GAB2: variants seen among roughly 807,000 people sequenced by gnomAD.
The protein encoded by GAB2 is GRB2-associated-binding protein 2.
In GAB2, 26 loss-of-function variants were observed where a neutral mutation model predicts 65.5. The ratio of observed to expected loss-of-function variants is 0.40; its 90% CI spans 0.29 to 0.55. The LOEUF (loss-of-function observed/expected upper bound fraction) is 0.55. Ranked by LOEUF, GAB2 falls within the 20% of genes least tolerant of loss-of-function variation. GAB2 has a pLI of 0.53. For synonymous variants in GAB2, 321 were observed against 329.6 expected, an observed-to-expected ratio of 0.97 and a Z score of 0.28; for missense variants, 884 against 875.8, an observed-to-expected ratio of 1.01 and a Z score of -0.12.
rs575276308 is a variant in GAB2 at position 78,280,998 on chromosome 11, G to A, written c.76-97C>T. ...GAGACAGGTCTTGCCCTGTTGCCCAGGCTGGAGTGCAGTGGCACAATCAAA... is the reference window on the plus strand; with the variant it reads ...GAGACAGGTCTTGCCCTGTTGCCCAAGCTGGAGTGCAGTGGCACAATCAAA... On this transcript the variant is annotated intron_variant, in intron 1 of 9. Transcript: ENST00000361507. 5 of 991,064 alleles carry A rather than the reference G, an allele frequency of 5.0e-6. No individual in the cohort carries two copies. The East Asian group carries it at 1.2e-4, about 24-fold the overall frequency. The allele number at this position is 991,064 out of a possible 1,614,324, so 61.4% of individuals were successfully genotyped here.
intron 5 of GAB2, among the ~76,000 whole-genome samples, chr11:78,224,617 G>C (rs1276254544): frequency 6.6e-6 from 1 of 152,176 alleles, no homozygotes; most frequent in South Asian, 2.1e-4. Context: ...CAGTGGGCCT[G>C]AAGCCAGGCC....
At chr11:78,306,595 A>G (rs143901676) in intron 1 of GAB2, among the ~76,000 whole-genome samples, 288 of 152,348 alleles carry the variant, frequency 1.9e-3, no homozygotes, top group African/African-American at 6.7e-3. Flanking sequence ...TGAAAGGATT[A>G]TAAGTATAGA....
At chr11:78,235,251 C>T (rs1332362538) in intron 3 of GAB2, among the ~76,000 whole-genome samples, 2 of 151,906 alleles carry the variant, frequency 1.3e-5, no homozygotes, top group Non-Finnish European at 2.9e-5. Flanking sequence ...CTCCCGGGTT[C>T]ACGCCATTCT....
intron 1 of GAB2, among the ~76,000 whole-genome samples, chr11:78,361,864 T>TTAG (rs1856439446): frequency 6.6e-6 from 1 of 151,074 alleles, no homozygotes; most frequent in South Asian, 2.1e-4. Context: ...GCCAGAAACT[T>TTAG]ATCCTAGAGA....
At chr11:78,307,602 G>T (rs1343807941) in intron 1 of GAB2, among the ~76,000 whole-genome samples, 1 of 147,816 alleles carries the variant, frequency 6.8e-6, no homozygotes, top group South Asian at 2.2e-4. Flanking sequence ...TACAAAAAAT[G>T]TTAGAGAGAG....
chr11:78,308,892 T>A (rs1202844757), intron 1 of GAB2, among the ~76,000 whole-genome samples: 2 of 152,170 alleles, frequency 1.3e-5, no homozygotes, highest in African/African-American at 4.8e-5. Flanking sequence ...ATATAATTTT[T>A]GTGTGTGTAT....
At chr11:78,300,353 G>A (rs1462367911) in intron 1 of GAB2, among the ~76,000 whole-genome samples, 1 of 151,858 alleles carries the variant, frequency 6.6e-6, no homozygotes, top group Non-Finnish European at 1.5e-5. Flanking sequence ...CACCTATTGA[G>A]GGATAATAAA....
Position 78,266,305 on chromosome 11 carries a change from C to A in GAB2, c.376+14296G>T, listed in dbSNP as rs2512529. Reference sequence around the variant, plus strand: ...TACGGTGATCTAAAGAGGAATAAGACGCGTCCTTACCCTTGTCTCCCATGC... The same window carrying A: ...TACGGTGATCTAAAGAGGAATAAGAAGCGTCCTTACCCTTGTCTCCCATGC... On this transcript the variant is annotated intron_variant, in intron 2 of 9. Coordinates refer to ENST00000361507, the MANE Select transcript of GAB2 (RefSeq NM_080491.3). 2.0e-3 allele frequency among the ~76,000 whole-genome samples: 307 copies of A among 150,216 alleles called. 1 individual carries two copies. Among genetic ancestry groups the A allele is most frequent in the African/African-American group, 7.3e-3 (298 of 40,902 alleles).
rs150171338 is a variant in GAB2 at position 78,258,759 on chromosome 11, G to T, written c.377-8359C>A. ...ACTATAGGCATGCACCACCATGCCT[G>T]GCCTGAATATATAAACTTTAAATAG... On this transcript the variant is annotated intron_variant, in intron 2 of 9. Coordinates refer to ENST00000361507, the MANE Select transcript of GAB2 (RefSeq NM_080491.3). Among the ~76,000 whole-genome samples the T allele has an allele frequency of 9.1e-4, 138 of 151,752 alleles. 1 individual carries two copies. The highest frequency in any genetic ancestry group is 3.2e-3 in the African/African-American group (134 of 41,396).
At chr11:78,416,934 A>C (rs1489761605) in intron 1 of GAB2, among the ~76,000 whole-genome samples, 1 of 151,970 alleles carries the variant, frequency 6.6e-6, no homozygotes, top group African/African-American at 2.4e-5. Flanking sequence ...GAGAGCCTCG[A>C]TCTCTCCCGA....
intron 2 of GAB2, among the ~76,000 whole-genome samples, chr11:78,254,149 G>A (rs528971659): frequency 2.0e-5 from 3 of 152,050 alleles, no homozygotes; most frequent in African/African-American, 7.3e-5. Flanking sequence ...ATCAACATAG[G>A]GCAGCTATAA....
chr11:78,347,736 A>G (rs1856213139), intron 1 of GAB2, among the ~76,000 whole-genome samples: 1 of 152,212 alleles, frequency 6.6e-6, no homozygotes, highest in South Asian at 2.1e-4. Flanking sequence ...AAAAGCATAA[A>G]TCATAAAAGA....
chr11:78,266,508 T>C (rs1865880210), intron 2 of GAB2, among the ~76,000 whole-genome samples: 1 of 152,174 alleles, frequency 6.6e-6, no homozygotes, highest in Non-Finnish European at 1.5e-5. Context: ...TGATTAAAAC[T>C]TACATTTCTA....
chr11:78,325,779 T>C (rs938899056), intron 1 of GAB2, among the ~76,000 whole-genome samples: 3 of 152,218 alleles, frequency 2.0e-5, no homozygotes, highest in African/African-American at 7.2e-5. Context: ...GATATATAGA[T>C]AATACTTCAC....
Position 78,216,828 on chromosome 11 carries a change from G to C in GAB2, c.*2444C>G, listed in dbSNP as rs1864172843. On this transcript the variant is annotated 3_prime_UTR_variant, in exon 10 of 10. Transcript: ENST00000361507. Reference sequence around the variant, plus strand: ...GCTCTGTCGTATGGGGCCCCTTGTAGGGGGCCTTTAAGGCACACATTCAGG... The same window carrying C: ...GCTCTGTCGTATGGGGCCCCTTGTACGGGGCCTTTAAGGCACACATTCAGG... The C allele has an allele frequency of 6.6e-6, 1 of 152,166 alleles. No individual in the cohort carries two copies. The highest frequency in any genetic ancestry group is 1.5e-5 in the Non-Finnish European group (1 of 68,042). The allele number at this position is 152,166 out of a possible 1,614,324, so 9.4% of individuals were successfully genotyped here.
chr11:78,262,475 A>G (rs924997280), intron 2 of GAB2, among the ~76,000 whole-genome samples: 5 of 152,214 alleles, frequency 3.3e-5, no homozygotes, highest in Non-Finnish European at 7.3e-5. Flanking sequence ...CTGTGTTCCC[A>G]GACCTTCAGG....
chr11:78,315,138 G>A (rs111415455), intron 1 of GAB2, among the ~76,000 whole-genome samples: 3 of 152,146 alleles, frequency 2.0e-5, no homozygotes, highest in South Asian at 4.1e-4. Context: ...AAAAGGGCAG[G>A]GGGGAGGAGG....
chr11:78,272,102 T>G (rs772840771), intron 2 of GAB2, among the ~76,000 whole-genome samples: 3 of 152,142 alleles, frequency 2.0e-5, no homozygotes, highest in Non-Finnish European at 4.4e-5. Flanking sequence ...TCTCTCTCTC[T>G]TTTATTTTTT....
intron 2 of GAB2, among the ~76,000 whole-genome samples, chr11:78,269,508 TC>T (rs1865956642): frequency 6.6e-6 from 1 of 152,176 alleles, no homozygotes; most frequent in Non-Finnish European, 1.5e-5. Context: ...CTGTAAGAAA[TC>T]CAGCTTGAAT....
Sources: gnomAD v4.1 joint callset for allele counts (sites outside exome capture counted in the v4.1 genomes callset) on GRCh38, gnomAD v4.1.1 for gene constraint, MANE v1.5 for transcripts, NCBI Gene and HGNC (gene_info 2026-07-23, HGNC 2026-07-21) for gene names.